The following MSI2 variants were observed in gnomAD, a reference collection of about 807,000 sequenced individuals.
The protein encoded by MSI2 is RNA-binding protein Musashi homolog 2.
A neutral mutation model predicts 45.6 loss-of-function variants in MSI2; 17 were observed. The observed-to-expected ratio is 0.37, with a 90% confidence interval of 0.26 to 0.56. MSI2 has a LOEUF of 0.56. Ranked by LOEUF, MSI2 falls within the 20% of genes least tolerant of loss-of-function variation. The pLI, the probability that MSI2 is intolerant of heterozygous loss-of-function variation, is 0.77. For synonymous variants in MSI2, 156 were observed against 158.2 expected (o/e 0.99, Z 0.11); for missense variants, 293 against 444.2 (o/e 0.66, Z 3.06).
intron 9 of MSI2, chr17:57,626,187 A>T (rs1281175283): frequency 6.6e-6 from 1 of 151,332 alleles, no homozygotes; most frequent in African/African-American, 2.4e-5. Context: ...ATTCACCTCC[A>T]AAGTCAAAGC....
At chr17:57,691,200 C>CTCTCATCTATCTATCT in the MSI2 span, among the ~76,000 whole-genome samples, 6 of 140,206 alleles carry the variant, frequency 4.3e-5, no homozygotes, top group Non-Finnish European at 7.7e-5. Flanking sequence ...CTCTCTCTCT[C>CTCTCATCTATCTATCT]ATCTATCTAT....
chr17:57,453,686 C>A (rs771868267), intron 6 of MSI2, among the ~76,000 whole-genome samples: 6 of 152,182 alleles, frequency 3.9e-5, no homozygotes, highest in Non-Finnish European at 7.3e-5. Flanking sequence ...GTTCCATTAT[C>A]GGAACGCCAA....
intron 6 of MSI2, among the ~76,000 whole-genome samples, chr17:57,459,960 C>G (rs777941527): frequency 1.2e-4 from 18 of 151,966 alleles, no homozygotes; most frequent in Non-Finnish European, 2.2e-4. Flanking sequence ...GAAACCCCGT[C>G]TCTACTAAAA....
intron 6 of MSI2, among the ~76,000 whole-genome samples, chr17:57,466,139 A>G (rs1310061670): frequency 1.3e-5 from 2 of 152,122 alleles, no homozygotes; most frequent in African/African-American, 4.8e-5. Context: ...AGTCCCCCGT[A>G]ATTAGGGGAG....
At chr17:57,389,317 C>G (rs1465597006) in intron 5 of MSI2, among the ~76,000 whole-genome samples, 3 of 152,164 alleles carry the variant, frequency 2.0e-5, no homozygotes, top group African/African-American at 4.8e-5. Context: ...AAAAGTCACT[C>G]TCCCGTTTAA....
At chr17:57,699,176 AGAGAGAGT>A in the MSI2 span, among the ~76,000 whole-genome samples, 1 of 24,240 alleles carries the variant, frequency 4.1e-5, no homozygotes, top group East Asian at 7.4e-4. Context: ...AGAGAGAGAG[AGAGAGAGT>A]GTGTGTGTGT....
chr17:57,525,981 C>A (rs910740791), intron 6 of MSI2, among the ~76,000 whole-genome samples: 2 of 152,174 alleles, frequency 1.3e-5, no homozygotes, highest in African/African-American at 4.8e-5. Flanking sequence ...AATCCCAGCA[C>A]TTTGGGAGGC....
chr17:57,575,443 G>A (rs2088011022), intron 7 of MSI2, among the ~76,000 whole-genome samples: 1 of 152,148 alleles, frequency 6.6e-6, no homozygotes, highest in Non-Finnish European at 1.5e-5. Context: ...GCTCTTCCAA[G>A]CTGCCGCAGC....
At chr17:57,592,603 G>A (rs1904940227) in intron 7 of MSI2, among the ~76,000 whole-genome samples, 1 of 152,206 alleles carries the variant, frequency 6.6e-6, no homozygotes, top group South Asian at 2.1e-4. Context: ...TTGCTGAATT[G>A]TTATGCATCC....
intron 6 of MSI2, among the ~76,000 whole-genome samples, chr17:57,403,137 C>T (rs986949081): frequency 5.9e-5 from 9 of 152,146 alleles, no homozygotes; most frequent in Admixed American, 4.6e-4. Context: ...CCATAACCTG[C>T]CTTGGAATCT....
At chr17:57,356,661 A>G (rs983078753) in intron 5 of MSI2, among the ~76,000 whole-genome samples, 5 of 152,274 alleles carry the variant, frequency 3.3e-5, no homozygotes, top group East Asian at 1.9e-4. Context: ...AATTTTTTTC[A>G]AATGTTAATT....
Position 57,673,922 on chromosome 17 carries a change from A to G in MSI2, c.791-1050A>G, listed in dbSNP as rs953416305. On this transcript the variant is annotated intron_variant, in intron 11 of 13. Transcript: ENST00000284073. ...TTAGCTATGAATTGGTTCAGTCGGT[A>G]TGTTCTGCATTCATACTTCTTTGTC... 2.0e-5 allele frequency among the ~76,000 whole-genome samples: 3 copies of G among 152,002 alleles called. No individual in the cohort carries two copies. In the East Asian group the frequency reaches 5.8e-4, roughly 29 times the overall value.
chr17:57,337,324 G>T (rs1319022544), intron 5 of MSI2, among the ~76,000 whole-genome samples: 1 of 152,136 alleles, frequency 6.6e-6, no homozygotes, highest in Non-Finnish European at 1.5e-5. Context: ...TGCAATCTAG[G>T]ATTGACCCCA....
At chr17:57,634,356 C>G (rs1013548693) in intron 10 of MSI2, among the ~76,000 whole-genome samples, 1 of 152,122 alleles carries the variant, frequency 6.6e-6, no homozygotes, top group Non-Finnish European at 1.5e-5. Context: ...GTCCCAGCTA[C>G]TTGGGAGGCT....
intron 5 of MSI2, among the ~76,000 whole-genome samples, chr17:57,375,820 C>A (rs1326712795): frequency 6.6e-6 from 1 of 152,076 alleles, no homozygotes; most frequent in African/African-American, 2.4e-5. Flanking sequence ...GACTCCCCTG[C>A]CCCCATCCTT....
chr17:57,397,948 A>C (rs1219319356), intron 5 of MSI2, among the ~76,000 whole-genome samples: 1 of 152,148 alleles, frequency 6.6e-6, no homozygotes, highest in East Asian at 1.9e-4. Context: ...ATGTTTTAGT[A>C]ACTTGGACAC....
intron 6 of MSI2, among the ~76,000 whole-genome samples, chr17:57,428,962 A>T (rs1463010332): frequency 6.6e-6 from 1 of 152,220 alleles, no homozygotes. Flanking sequence ...GGCCAGGTAC[A>T]GGGCTAGGCA....
chr17:57,312,777 C>T (rs760903808), intron 5 of MSI2, among the ~76,000 whole-genome samples: 2 of 152,090 alleles, frequency 1.3e-5, no homozygotes, highest in Admixed American at 6.6e-5. Context: ...ATCTTTCTTC[C>T]TTAGAACACA....
chr17:57,547,789 C>CAT lies in MSI2; in HGVS notation c.454+18065_454+18066insAT, dbSNP rs1555621979. ...ACACACACACACACACACACACACA[C>CAT]GTCTCTGGAGAATTAACATAACCTA... On this transcript the variant is annotated intron_variant, in intron 7 of 13. Transcript: ENST00000284073. Among the ~76,000 whole-genome samples, 743 of 145,196 alleles carry CAT rather than the reference C, an allele frequency of 5.1e-3. 6 individuals carry two copies. Among genetic ancestry groups the CAT allele is most frequent in the African/African-American group, 8.4e-3 (326 of 38,668 alleles).
Sources: gnomAD v4.1 joint callset for allele counts (sites outside exome capture counted in the v4.1 genomes callset) on GRCh38, gnomAD v4.1.1 for gene constraint, MANE v1.5 for transcripts, NCBI Gene and HGNC (gene_info 2026-07-23, HGNC 2026-07-21) for gene names.